Variants in DMPK observed in about 807,000 individuals in gnomAD.
DMPK encodes DM1 protein kinase, also known as myotonin-protein kinase.
A neutral mutation model predicts 70.3 loss-of-function variants in DMPK; 32 were observed. The observed-to-expected ratio is 0.46, with a 90% CI of 0.34 to 0.61. The LOEUF (loss-of-function observed/expected upper bound fraction) is 0.61. DMPK is among the 20% of genes least tolerant of loss of function. The pLI, the probability that DMPK is intolerant of heterozygous loss-of-function variation, is 0.01. For synonymous variants in DMPK, 469 were observed against 390.9 expected (o/e 1.20, Z -2.36); for missense variants, 899 against 886.0 (o/e 1.01, Z -0.19).
Position 45,777,316 on chromosome 19 carries a change from C to A in DMPK, c.1146+11G>T. The A allele has an allele frequency of 6.4e-7, 1 of 1,552,458 alleles. No individual in the cohort carries two copies. Among genetic ancestry groups the A allele is most frequent in the South Asian group, 1.2e-5 (1 of 81,510 alleles). On this transcript the variant is annotated intron_variant, in intron 8 of 14. Transcript: ENST00000291270. This position sits in a 1 kb window ranked among gnomAD's most constrained non-coding sequence, Gnocchi z 6.7. ...GGTTCCCGCAGCCGAGCAGGGGCCA[C>A]AGGTACCTACCCCGCCCCCGCTCAC...
rs761250462 is a variant in DMPK at position 45,779,768 on chromosome 19, T to C, written c.252+10A>G. ...CGAGTCAAGTCAGGCTCCCGCCCGGTTCGGCTTACCTCGCTGAACGCCCCG... is the reference window on the plus strand; with the variant it reads ...CGAGTCAAGTCAGGCTCCCGCCCGGCTCGGCTTACCTCGCTGAACGCCCCG... On this transcript the variant is annotated intron_variant, in intron 2 of 14. Coordinates refer to ENST00000291270, the MANE Select transcript of DMPK (RefSeq NM_004409.5). 11 of 1,522,630 alleles carry C rather than the reference T, an allele frequency of 7.2e-6. No homozygotes were observed. The highest frequency in any genetic ancestry group is 8.8e-6 in the Non-Finnish European group (10 of 1,132,476). 94.3% of individuals were successfully genotyped at this position (1,522,630 alleles called of 1,614,324 possible).
In DMPK at chr19:45,777,211, G is replaced by T; in HGVS notation, c.1146+116C>A. 7.4e-7 allele frequency: 1 copy of T among 1,348,758 alleles called. No individual in the cohort carries two copies. Among genetic ancestry groups the T allele is most frequent in the Non-Finnish European group, 9.8e-7 (1 of 1,017,940 alleles). The allele number at this position is 1,348,758 out of a possible 1,614,324, so 83.5% of individuals were successfully genotyped here. A position where few individuals can be genotyped will look rare whatever the true frequency, so the allele number is the denominator to read the frequency against. On this transcript the variant is annotated intron_variant, in intron 8 of 14. Coordinates refer to ENST00000291270, the MANE Select transcript of DMPK (RefSeq NM_004409.5). This position sits in a 1 kb window ranked among gnomAD's most constrained non-coding sequence, Gnocchi z 6.7. ...TCAGTAGTAGATGGGCACAGAGCAG[G>T]TGCTCTGGGGAATGAGTGATTCAGG...
Position 45,771,657 on chromosome 19 carries a change from C to G in DMPK, c.1511G>C (p.Arg504Pro). 1.2e-6 allele frequency: 2 copies of G among 1,613,970 alleles called. No individual in the cohort carries two copies. The highest frequency in any genetic ancestry group is 1.7e-6 in the Non-Finnish European group (2 of 1,179,930). Residue 504 changes from arginine to proline, a missense_variant, in exon 12 of 15, where the codon CGC (arginine) becomes CCC (proline). By Grantham distance (103) the Arg-to-Pro change is moderately radical. Transcript: ENST00000291270. Reference sequence around the variant, plus strand: ...GTCCCGGTTCCGAGCCTCTGCCTCGCGTAGTTGACTGTGGGGAGGTAAGGA... The same window carrying G: ...GTCCCGGTTCCGAGCCTCTGCCTCGGGTAGTTGACTGTGGGGAGGTAAGGA... ...TDNQNFASQL[R>P]EAEARNRDLE... is the part of the protein sequence containing the mutation.
chr19:45,779,631 C>T, intron 2 of DMPK, 109 bp from the exon 3 acceptor site: 1 of 1,564,264 alleles, frequency 6.4e-7, no homozygotes, highest in Non-Finnish European at 8.7e-7. Flanking sequence ...CCCCACCTGC[C>T]ACACCACGCC....
At chr19:45,772,244 G>A (rs906415365) in intron 10 of DMPK, 2 of 403,884 alleles carry the variant, frequency 5.0e-6, no homozygotes, top group Non-Finnish European at 8.8e-6. Flanking sequence ...GCCTTGCTGG[G>A]TTTTGTTTCC....
rs781085771 is a variant in DMPK, at chr19:45,778,520, G to A, written c.554C>T (p.Ser185Leu). 3 of 1,613,836 alleles carry A rather than the reference G, an allele frequency of 1.9e-6. No homozygotes were observed. The highest frequency in any genetic ancestry group is 1.7e-5 in the Admixed American group (1 of 60,018). The change falls in exon 5 of 15, where the codon TCG (serine) becomes TTG (leucine). Residue 185 changes from serine (S) to leucine (L), a missense_variant. By Grantham distance (145) the Ser-to-Leu change is moderately radical (BLOSUM62 -2). Around this residue, in one of 3 missense-constraint regions of DMPK, gnomAD observed 195 missense variants for 259.7 expected, o/e 0.75. Coordinates refer to ENST00000291270, the MANE Select transcript of DMPK (RefSeq NM_004409.5). Reference protein sequence around the residue: ...YLAEIVMAIDSVHRLGYVHRD... With the variant: ...YLAEIVMAIDLVHRLGYVHRD... ...GTGCACGTAGCCAAGCCGGTGCACC[G>A]AGTCTATGGCCATGACAATCTCCGC...
At chr19:45,780,179 C>T in intron 1 of DMPK, 4 of 1,442,778 alleles carry the variant, frequency 2.8e-6, no homozygotes, top group Non-Finnish European at 3.6e-6. Flanking sequence ...CCCTAAAGAA[C>T]AAGGGGAGAA....
intron 1 of DMPK, chr19:45,780,301 G>C: frequency 6.4e-7 from 1 of 1,559,434 alleles, no homozygotes; most frequent in Non-Finnish European, 8.6e-7. Flanking sequence ...TAACGGCCCA[G>C]ACGTGGGGTT....
In DMPK at chr19:45,769,877, G is replaced by A. The variant is rs3745804; in HGVS notation, c.*611C>T. ...GCCTGTCAGCGAGTCGGAGGACGAGGTCAATAAATATCCAAACCGCCGAAG... is the reference window on the plus strand; with the variant it reads ...GCCTGTCAGCGAGTCGGAGGACGAGATCAATAAATATCCAAACCGCCGAAG... On this transcript the variant is annotated 3_prime_UTR_variant, in exon 15 of 15. Transcript: ENST00000291270. 3.8e-6 allele frequency: 1 copy of A among 263,710 alleles called. No homozygotes were observed. Among genetic ancestry groups the A allele is most frequent in the East Asian group, 1.0e-4 (1 of 9,716 alleles). The allele number at this position is 263,710 out of a possible 1,614,324, so 16.3% of individuals were successfully genotyped here.
At chr19:45,781,168 G>A (rs1416043212) in intron 1 of DMPK, among the ~76,000 whole-genome samples, 1 of 152,164 alleles carries the variant, frequency 6.6e-6, no homozygotes, top group Admixed American at 6.5e-5. Flanking sequence ...GGGGAAGGCG[G>A]AGAAACAGGA....
In DMPK at chr19:45,779,292, T is replaced by C; in HGVS notation, c.404A>G (p.His135Arg). ...NGDRRWITQLHFAFQDENYLY... is the reference protein window; with the variant it reads ...NGDRRWITQLRFAFQDENYLY... ...GTAGTTCTCATCCTGGAAGGCGAAG[T>C]GCAGCTGCGTGATCCACCGCCGGTC... is the stretch of plus-strand genomic sequence containing the variant. The change falls in exon 4 of 15, where the codon CAC (histidine) becomes CGC (arginine). Residue 135 changes from histidine (H) to arginine (R), a missense_variant. Physicochemically the swap from His to Arg is conservative, Grantham distance 29 (BLOSUM62 0). Coordinates refer to ENST00000291270, the MANE Select transcript of DMPK (RefSeq NM_004409.5). The C allele has an allele frequency of 6.2e-7, 1 of 1,614,018 alleles. No homozygotes were observed. Among genetic ancestry groups the C allele is most frequent in the East Asian group, 2.2e-5 (1 of 44,880 alleles).
In DMPK at chr19:45,770,504, G is replaced by C. The variant is rs1271871448; in HGVS notation, c.1874C>G (p.Ala625Gly). The change falls in exon 15 of 15, where the codon GCC (alanine) becomes GGC (glycine). Residue 625 changes from alanine to glycine, a missense_variant. By Grantham distance (60) the Ala-to-Gly change is moderately conservative (BLOSUM62 0). Coordinates refer to ENST00000291270, the MANE Select transcript of DMPK (RefSeq NM_004409.5). Reference sequence around the variant, plus strand: ...TTCTAGGGTTCAGGGAGCGCGGGCGGCTCCTGGGCGGCGCCAGACTGCGGT... The same window carrying C: ...TTCTAGGGTTCAGGGAGCGCGGGCGCCTCCTGGGCGGCGCCAGACTGCGGT... ...QLTAVWRRPG[A>G]ARAP is the part of the protein sequence containing the mutation. 2.6e-6 allele frequency: 4 copies of C among 1,550,312 alleles called. No homozygotes were observed. Among genetic ancestry groups the C allele is most frequent in the East Asian group, 2.4e-5 (1 of 40,926 alleles).
intron 3 of DMPK, 23 bp downstream of exon 3, chr19:45,779,416 C>T (rs1213783260): frequency 3.7e-6 from 6 of 1,613,998 alleles, no homozygotes; most frequent in Non-Finnish European, 4.2e-6. Context: ...CTCAAAGCCC[C>T]CCACGTCCGC....
At chr19:45,778,941 T>C in intron 4 of DMPK, 1 of 571,168 alleles carries the variant, frequency 1.8e-6, no homozygotes, top group Non-Finnish European at 3.1e-6. Context: ...AGAGAATAGG[T>C]CCCAGACACT....
chr19:45,772,632 C>T lies in DMPK; in HGVS notation c.1344+9G>A, dbSNP rs141487873. 1.3e-6 allele frequency: 2 copies of T among 1,541,252 alleles called. No individual in the cohort carries two copies. The highest frequency in any genetic ancestry group is 1.4e-5 in the African/African-American group (1 of 69,938). On this transcript the variant is annotated intron_variant, in intron 10 of 14. Coordinates refer to ENST00000291270, the MANE Select transcript of DMPK (RefSeq NM_004409.5). ...TCCCTGACGGACCCCCTCCCCTCCA[C>T]CAACTTACTGTTTCATCCTGTGGGG...
chr19:45,777,291 G>A lies in DMPK; in HGVS notation c.1146+36C>T, dbSNP rs1310270675. 6.5e-7 allele frequency: 1 copy of A among 1,528,356 alleles called. No individual in the cohort carries two copies. The highest frequency in any genetic ancestry group is 1.4e-5 in the African/African-American group (1 of 72,374). 94.7% of individuals were successfully genotyped at this position (1,528,356 alleles called of 1,614,324 possible). On this transcript the variant is annotated intron_variant, in intron 8 of 14. Transcript: ENST00000291270. This position sits in a 1 kb window ranked among gnomAD's most constrained non-coding sequence, Gnocchi z 6.7. Reference sequence around the variant, plus strand: ...CAACTTTATGGAGGGAGCATGGGGAGGTTCCCGCAGCCGAGCAGGGGCCAC... The same window carrying A: ...CAACTTTATGGAGGGAGCATGGGGAAGTTCCCGCAGCCGAGCAGGGGCCAC...
chr19:45,781,836 G>T (rs953323904), intron 1 of DMPK, among the ~76,000 whole-genome samples: 3 of 152,142 alleles, frequency 2.0e-5, no homozygotes, highest in East Asian at 3.9e-4. Context: ...CCCACTTTTG[G>T]GGGGAGGGTC....
chr19:45,780,622 G>T, intron 1 of DMPK: 1 of 1,009,394 alleles, frequency 9.9e-7, no homozygotes, highest in Non-Finnish European at 1.2e-6. Flanking sequence ...TGTGGGGACA[G>T]GGAGGCCTGG....
intron 4 of DMPK, 23 bp downstream of exon 4, chr19:45,779,241 A>C: frequency 6.2e-7 from 1 of 1,609,656 alleles, no homozygotes; most frequent in Non-Finnish European, 8.5e-7. Context: ...CCCTCTTCCT[A>C]GTCACCCCGG....
Sources: allele counts gnomAD v4.1 joint callset (sites outside exome capture counted in the v4.1 genomes callset), GRCh38; gene constraint gnomAD v4.1.1; regional missense constraint gnomAD v4.1.1; non-coding constraint Gnocchi (gnomAD v3.1); transcripts MANE v1.5; gene names NCBI Gene and HGNC (gene_info 2026-07-23, HGNC 2026-07-21).